The following GALNTL6 variants were observed in gnomAD, a reference collection of about 807,000 sequenced individuals.
GALNTL6 encodes polypeptide N-acetylgalactosaminyltransferase like 6, also known as polypeptide N-acetylgalactosaminyltransferase-like 6.
Under a neutral mutation model 73.7 loss-of-function variants are expected in GALNTL6, and 46 were observed. The observed-to-expected ratio is 0.62, with a 90% CI of 0.49 to 0.80. The LOEUF (loss-of-function observed/expected upper bound fraction) is 0.80. Ranked by LOEUF, GALNTL6 falls within the 30% of genes least tolerant of loss-of-function variation. The pLI is 0.00. For missense variants in GALNTL6, 604 were observed against 755.0 expected (o/e 0.80, Z 2.34); for synonymous variants, 259 against 263.7 (o/e 0.98, Z 0.17).
At chr4:173,018,681 T>C (rs1752875504) in intron 11 of GALNTL6, among the ~76,000 whole-genome samples, 1 of 152,226 alleles carries the variant, frequency 6.6e-6, no homozygotes, top group African/African-American at 2.4e-5. Flanking sequence ...AGTGAATGTC[T>C]GTTTTCCAAC....
intron 2 of GALNTL6, among the ~76,000 whole-genome samples, chr4:172,115,313 C>G (rs996438804): frequency 1.3e-5 from 2 of 151,932 alleles, no homozygotes; most frequent in African/African-American, 4.8e-5. Context: ...CTGAAGGAAC[C>G]TTTTAGAATT....
At chr4:172,675,755 T>A (rs1732262532) in intron 5 of GALNTL6, among the ~76,000 whole-genome samples, 2 of 152,254 alleles carry the variant, frequency 1.3e-5, no homozygotes, top group South Asian at 4.1e-4. Flanking sequence ...CTTTTCACTA[T>A]ATACAAGACA....
Position 172,593,233 on chromosome 4 carries a change from CT to C in GALNTL6, c.554-216124del, listed in dbSNP as rs531548166. Among the ~76,000 whole-genome samples the C allele has an allele frequency of 2.9e-4, 44 of 152,242 alleles. No homozygotes were observed. The South Asian group carries it at 8.9e-3, about 31-fold the overall frequency. ...ACATAACTTACAATAGAACTTTATG[CT>C]TTTATTTCTCCATAATCTTGTTTGT... On this transcript the variant is annotated intron_variant, in intron 5 of 12. Transcript: ENST00000506823.
chr4:172,419,688 G>C (rs1033781693), intron 5 of GALNTL6, among the ~76,000 whole-genome samples: 7 of 152,230 alleles, frequency 4.6e-5, no homozygotes, highest in Admixed American at 4.6e-4. Flanking sequence ...CATTTTAATA[G>C]ATGTAATTCT....
chr4:172,027,685 T>C (rs1437000031), intron 2 of GALNTL6, among the ~76,000 whole-genome samples: 1 of 152,134 alleles, frequency 6.6e-6, no homozygotes, highest in Non-Finnish European at 1.5e-5. Context: ...GAAGGCATGT[T>C]GCAAGCCAAG....
At chr4:172,974,204 T>C (rs1579729594) in intron 10 of GALNTL6, among the ~76,000 whole-genome samples, 1 of 152,200 alleles carries the variant, frequency 6.6e-6, no homozygotes, top group East Asian at 1.9e-4. Flanking sequence ...AAAAATTTCA[T>C]TCAAAGTTTA....
At chr4:172,457,879 A>G (rs1046010211) in intron 5 of GALNTL6, among the ~76,000 whole-genome samples, 2 of 152,194 alleles carry the variant, frequency 1.3e-5, no homozygotes, top group African/African-American at 4.8e-5. Context: ...CATCTACAGA[A>G]CTCTCCACCC....
chr4:172,047,248 T>A (rs1230484589), intron 2 of GALNTL6, among the ~76,000 whole-genome samples: 1 of 152,152 alleles, frequency 6.6e-6, no homozygotes, highest in East Asian at 1.9e-4. Context: ...AAACCTAATT[T>A]TTCCATTCAG....
intron 5 of GALNTL6, among the ~76,000 whole-genome samples, chr4:172,796,018 A>G (rs1171381161): frequency 6.6e-6 from 1 of 151,618 alleles, no homozygotes; most frequent in African/African-American, 2.4e-5. Flanking sequence ...CACTTTGAAT[A>G]TAAACCTACA....
At chr4:171,871,723 GTTTC>G (rs1736143258) in intron 2 of GALNTL6, among the ~76,000 whole-genome samples, 2 of 152,042 alleles carry the variant, frequency 1.3e-5, no homozygotes, top group South Asian at 4.1e-4. Flanking sequence ...CAATGATTCT[GTTTC>G]TTTAACTCAG....
chr4:171,831,622 A>G (rs1345211913), intron 2 of GALNTL6, among the ~76,000 whole-genome samples: 1 of 151,934 alleles, frequency 6.6e-6, no homozygotes, highest in Non-Finnish European at 1.5e-5. Flanking sequence ...CAATAAAAGA[A>G]GGTTTATTGG....
At chr4:172,174,487 T>G (rs1734931154) in intron 2 of GALNTL6, among the ~76,000 whole-genome samples, 1 of 152,168 alleles carries the variant, frequency 6.6e-6, no homozygotes, top group African/African-American at 2.4e-5. Context: ...TCCCTCCACT[T>G]TCCAAAATTA....
chr4:172,719,279 A>C (rs1560903028), intron 5 of GALNTL6, among the ~76,000 whole-genome samples: 1 of 152,196 alleles, frequency 6.6e-6, no homozygotes, highest in Admixed American at 6.5e-5. Context: ...ATAGTAAAAA[A>C]CATTTTAACT....
At chr4:172,210,174 T>G (rs1363195943) in intron 2 of GALNTL6, among the ~76,000 whole-genome samples, 1 of 152,096 alleles carries the variant, frequency 6.6e-6, no homozygotes, top group East Asian at 1.9e-4. Context: ...TTAAGACACC[T>G]TATTTTTATC....
intron 7 of GALNTL6, among the ~76,000 whole-genome samples, chr4:172,847,206 C>T (rs114991545): frequency 0.017 from 2,658 of 152,286 alleles, 78 homozygotes; most frequent in African/African-American, 0.06. Flanking sequence ...AAACGTGGTG[C>T]TGCATCTCCC....
intron 2 of GALNTL6, among the ~76,000 whole-genome samples, chr4:171,887,972 T>C (rs1736650949): frequency 6.6e-6 from 1 of 152,124 alleles, no homozygotes; most frequent in Admixed American, 6.6e-5. Flanking sequence ...GGGAAATAGA[T>C]CCACTAATAA....
At chr4:172,912,512 A>T (rs1223412718) in intron 8 of GALNTL6, among the ~76,000 whole-genome samples, 3 of 152,208 alleles carry the variant, frequency 2.0e-5, no homozygotes, top group Admixed American at 6.5e-5. Flanking sequence ...GGACACTCCC[A>T]CCCTAATACT....
chr4:172,502,181 A>G (rs776123793), intron 5 of GALNTL6, among the ~76,000 whole-genome samples: 2 of 152,174 alleles, frequency 1.3e-5, no homozygotes, highest in African/African-American at 2.4e-5. Flanking sequence ...TATAAATCCC[A>G]TGTATCATGG....
At chr4:172,782,852 C>T (rs1470641298) in intron 5 of GALNTL6, among the ~76,000 whole-genome samples, 1 of 152,026 alleles carries the variant, frequency 6.6e-6, no homozygotes, top group Admixed American at 6.6e-5. Context: ...AGAAGAGTAG[C>T]ACTTACCATT....
Sources: gnomAD v4.1 joint callset for allele counts (sites outside exome capture counted in the v4.1 genomes callset) on GRCh38, gnomAD v4.1.1 for gene constraint, MANE v1.5 for transcripts, NCBI Gene and HGNC (gene_info 2026-07-23, HGNC 2026-07-21) for gene names.